The following PCDHGB3 variants were observed in gnomAD, a reference collection of about 807,000 sequenced individuals.
The protein encoded by PCDHGB3 is protocadherin gamma subfamily B, 3.
A neutral mutation model predicts 59.2 loss-of-function variants in PCDHGB3; 40 were observed. The ratio of observed to expected loss-of-function variants is 0.68; its 90% CI spans 0.52 to 0.88. PCDHGB3 has a LOEUF of 0.88. Among genes scored for constraint, PCDHGB3 ranks in the 40% least tolerant of loss-of-function variants. The probability of loss-of-function intolerance (pLI) is 0.00; values close to 1 mark genes in which losing one functional copy is unlikely to be tolerated. For missense variants in PCDHGB3, 1,309 were observed against 1,187.9 expected, an observed-to-expected ratio of 1.10 and a Z score of -1.50; for synonymous variants, 581 against 503.6, an observed-to-expected ratio of 1.15 and a Z score of -2.06.
intron 1 of PCDHGB3, chr5:141,426,943 C>T: frequency 2.2e-6 from 1 of 456,736 alleles, no homozygotes; most frequent in Non-Finnish European, 4.4e-6. Flanking sequence ...GACCCAGTCC[C>T]AACTGGCACT....
In PCDHGB3 at chr5:141,491,409, G is replaced by T; in HGVS notation, c.2416-3398G>T. The T allele has an allele frequency of 6.8e-6, 11 of 1,614,118 alleles. No individual in the cohort carries two copies. Among genetic ancestry groups the T allele is most frequent in the Non-Finnish European group, 9.3e-6 (11 of 1,180,014 alleles). On this transcript the variant is annotated intron_variant, in intron 1 of 3. Coordinates refer to ENST00000576222, the MANE Select transcript of PCDHGB3 (RefSeq NM_018924.5). The surrounding 1 kb of genome is among the most constrained non-coding windows in gnomAD (Gnocchi z 6.9). ...AGTGCCTTCAGGGAAACGCAGACGG[G>T]GACGGGGGTGGAGGGCAGTGCTGCA...
intron 1 of PCDHGB3, chr5:141,375,976 C>T: frequency 6.2e-7 from 1 of 1,613,390 alleles, no homozygotes; most frequent in South Asian, 1.1e-5. Context: ...CGGCGCGCGC[C>T]CTGCTGGACA....
rs1357901633 is a variant in PCDHGB3, at chr5:141,476,594, C to G, written c.2416-18213C>G. On this transcript the variant is annotated intron_variant, in intron 1 of 3. Transcript: ENST00000576222. This position sits in a 1 kb window ranked among gnomAD's most constrained non-coding sequence, Gnocchi z 7.6. ...GACGCGCTTTCCGCTCGAGAGCGCG[C>G]ACGATCCCGATGTGGGAAGCAACTC... The G allele has an allele frequency of 3.7e-6, 6 of 1,614,242 alleles. No homozygotes were observed. The highest frequency in any genetic ancestry group is 4.2e-6 in the Non-Finnish European group (5 of 1,180,040).
chr5:141,375,150 T>G, intron 1 of PCDHGB3: 1 of 1,613,946 alleles, frequency 6.2e-7, no homozygotes, highest in Non-Finnish European at 8.5e-7. Context: ...AGCAGAACAA[T>G]TGCTGAAAGT....
At chr5:141,376,426 C>T in intron 1 of PCDHGB3, 1 of 1,614,230 alleles carries the variant, frequency 6.2e-7, no homozygotes, top group Non-Finnish European at 8.5e-7. Context: ...CGCTTATCAA[C>T]CAGGAGAGCT....
In PCDHGB3 at chr5:141,455,477, C is replaced by T. The variant is rs557286491; in HGVS notation, c.2416-39330C>T. On this transcript the variant is annotated intron_variant, in intron 1 of 3. Coordinates refer to ENST00000576222, the MANE Select transcript of PCDHGB3 (RefSeq NM_018924.5). ...TACCAGCCAGGTATATATGCAGAGG[C>T]TGGTGGAGGTGATGTCTGATTTGCA... Among the ~76,000 whole-genome samples the T allele has an allele frequency of 1.2e-4, 18 of 152,252 alleles. No homozygotes were observed. The South Asian group carries it at 3.7e-3, about 32-fold the overall frequency.
chr5:141,460,092 T>C (rs186695697), intron 1 of PCDHGB3, among the ~76,000 whole-genome samples: 37 of 152,056 alleles, frequency 2.4e-4, no homozygotes, highest in Admixed American at 9.8e-4. Context: ...ATAATAATTA[T>C]ACATGTAATT....
intron 3 of PCDHGB3, among the ~76,000 whole-genome samples, chr5:141,506,943 T>A (rs2099857373): frequency 6.6e-6 from 1 of 152,192 alleles, no homozygotes; most frequent in South Asian, 2.1e-4. Context: ...GGGCCTCCTG[T>A]CAATGAATCC....
At chr5:141,375,273 C>T in intron 1 of PCDHGB3, 1 of 1,613,854 alleles carries the variant, frequency 6.2e-7, no homozygotes, top group Non-Finnish European at 8.5e-7. Flanking sequence ...TTGGAAAAAT[C>T]AGTTGGCAAT....
chr5:141,429,760 C>A (rs1036499079), intron 1 of PCDHGB3, among the ~76,000 whole-genome samples: 1 of 152,020 alleles, frequency 6.6e-6, no homozygotes, highest in Non-Finnish European at 1.5e-5. Flanking sequence ...AATTTTTTCC[C>A]TATATTTTGA....
At chr5:141,417,423 C>T (rs1252792899) in intron 1 of PCDHGB3, 1 of 159,686 alleles carries the variant, frequency 6.3e-6, no homozygotes, top group African/African-American at 2.4e-5. Context: ...TATGTAAATT[C>T]AGTAAATAAA....
intron 1 of PCDHGB3, chr5:141,383,563 C>T: frequency 6.2e-7 from 1 of 1,613,152 alleles, no homozygotes; most frequent in South Asian, 1.1e-5. Context: ...CGACCCGCCC[C>T]GATCCAGCAC....
At chr5:141,423,821 C>A (rs2096784513) in intron 1 of PCDHGB3, 1 of 1,272,728 alleles carries the variant, frequency 7.9e-7, no homozygotes, top group Admixed American at 3.9e-5. Context: ...TTTACTTTGC[C>A]TTTCATGAGA....
intron 1 of PCDHGB3, chr5:141,378,539 A>G (rs891154115): frequency 5.3e-5 from 8 of 152,296 alleles, no homozygotes; most frequent in African/African-American, 1.9e-4. Flanking sequence ...TAATAATGAT[A>G]ATTAATAAAT....
chr5:141,374,564 G>C (rs898196714), intron 1 of PCDHGB3: 10 of 1,613,616 alleles, frequency 6.2e-6, no homozygotes, highest in Middle Eastern at 1.6e-4. Flanking sequence ...CTATGACCCT[G>C]ATGTGGGAAT....
rs2099411055 is a variant in PCDHGB3, at chr5:141,477,429, C to T, written c.2416-17378C>T. 6.2e-7 allele frequency: 1 copy of T among 1,614,218 alleles called. No individual in the cohort carries two copies. Among genetic ancestry groups the T allele is most frequent in the South Asian group, 1.1e-5 (1 of 91,082 alleles). ...CGAGACGCCGGAACCCCTTCCCTCT[C>T]AGCCCTTACAATAGTGCGTGTTCAA... On this transcript the variant is annotated intron_variant, in intron 1 of 3. Coordinates refer to ENST00000576222, the MANE Select transcript of PCDHGB3 (RefSeq NM_018924.5). The surrounding 1 kb of genome is among the most constrained non-coding windows in gnomAD (Gnocchi z 4.9).
intron 1 of PCDHGB3, among the ~76,000 whole-genome samples, chr5:141,436,677 G>T (rs966497986): frequency 2.2e-4 from 33 of 152,278 alleles, no homozygotes; most frequent in Non-Finnish European, 2.9e-5. Flanking sequence ...CCAAAAAAAG[G>T]ATTTATATTT....
intron 1 of PCDHGB3, among the ~76,000 whole-genome samples, chr5:141,472,042 T>C (rs2099270232): frequency 2.0e-5 from 3 of 152,146 alleles, no homozygotes; most frequent in African/African-American, 7.2e-5. Context: ...TGTGAAAAGA[T>C]TTTAAAAATG....
intron 1 of PCDHGB3, among the ~76,000 whole-genome samples, chr5:141,445,417 A>C (rs1483224509): frequency 6.6e-6 from 1 of 152,208 alleles, no homozygotes; most frequent in Non-Finnish European, 1.5e-5. Context: ...ACTGTCTGCT[A>C]TATGCAAGGC....
Sources: gnomAD v4.1 joint callset for allele counts (sites outside exome capture counted in the v4.1 genomes callset) on GRCh38, gnomAD v4.1.1 for gene constraint, Gnocchi (gnomAD v3.1) non-coding constraint, MANE v1.5 for transcripts, NCBI Gene and HGNC (gene_info 2026-07-23, HGNC 2026-07-21) for gene names.